Variants in KAT6A observed in about 807,000 individuals in gnomAD.
KAT6A encodes the protein histone acetyltransferase KAT6A.
KAT6A carries 9 observed loss-of-function variants against 198.4 expected under a neutral mutation model. That is an observed-to-expected ratio of 0.05 (90% CI 0.03 to 0.08). The LOEUF (loss-of-function observed/expected upper bound fraction) is 0.08, where lower values mean the gene tolerates loss of function less well. Among genes scored for constraint, KAT6A ranks in the 10% least tolerant of loss-of-function variants. KAT6A has a pLI of 1.00. For synonymous variants in KAT6A, 890 were observed against 883.0 expected, an observed-to-expected ratio of 1.01 and a Z score of -0.14; for missense variants, 2,077 against 2,509.9, an observed-to-expected ratio of 0.83 and a Z score of 3.69.
At chr8:41,997,975 G>A (rs1385273061) in intron 2 of KAT6A, among the ~76,000 whole-genome samples, 1 of 152,062 alleles carries the variant, frequency 6.6e-6, no homozygotes, top group Non-Finnish European at 1.5e-5. Flanking sequence ...TTCAGGCATG[G>A]TATAGTGAAG....
chr8:42,041,621 G>A (rs1052379643), intron 2 of KAT6A, among the ~76,000 whole-genome samples: 4 of 151,782 alleles, frequency 2.6e-5, no homozygotes, highest in African/African-American at 4.8e-5. Context: ...GCCTGTAATC[G>A]CAGACAGCAG....
chr8:42,037,891 T>C (rs959946763), intron 2 of KAT6A, among the ~76,000 whole-genome samples: 8 of 152,258 alleles, frequency 5.3e-5, no homozygotes, highest in Admixed American at 1.3e-4. Context: ...GTGTTAGTCA[T>C]AAAGACCAAT....
At chr8:41,963,896 C>T (rs544290926) in intron 8 of KAT6A, among the ~76,000 whole-genome samples, 42 of 152,248 alleles carry the variant, frequency 2.8e-4, no homozygotes, top group African/African-American at 9.6e-4. Flanking sequence ...TCCGAGAATA[C>T]ACGATTTCTC....
At chr8:41,969,982 A>C (rs1048853508) in intron 8 of KAT6A, among the ~76,000 whole-genome samples, 2 of 152,128 alleles carry the variant, frequency 1.3e-5, no homozygotes, top group South Asian at 2.1e-4. Context: ...CCCTTCTCAT[A>C]AACACTCCAA....
intron 2 of KAT6A, among the ~76,000 whole-genome samples, chr8:42,036,875 C>A (rs1007514874): frequency 1.3e-5 from 2 of 152,196 alleles, no homozygotes; most frequent in Non-Finnish European, 2.9e-5. Context: ...ACAGAATGTA[C>A]ATTTCCAGAA....
intron 2 of KAT6A, among the ~76,000 whole-genome samples, chr8:42,004,478 C>A (rs1825643146): frequency 6.6e-6 from 1 of 152,176 alleles, no homozygotes; most frequent in African/African-American, 2.4e-5. Flanking sequence ...ACCACTGACA[C>A]ATTTTGCAGT....
At position 41,977,195 on chromosome 8, in the gene KAT6A, G is replaced by C; in HGVS notation, c.1176C>G (p.Phe392Leu). The C allele has an allele frequency of 6.2e-7, 1 of 1,614,180 alleles. No homozygotes were observed. The highest frequency in any genetic ancestry group is 8.5e-7 in the Non-Finnish European group (1 of 1,180,014). The change falls in exon 7 of 17, where the codon TTC becomes TTG. Residue 392 changes from phenylalanine (F) to leucine (L), a missense_variant. By Grantham distance (22) the Phe-to-Leu change is conservative (BLOSUM62 0). Coordinates refer to ENST00000265713, the MANE Select transcript of KAT6A (RefSeq NM_006766.5). Reference sequence around the variant, plus strand: ...TCAAGGAGACATTGCTATCTCTGCAGAAGTCCAAGCCATCTATCCGCTCTA... The same window carrying C: ...TCAAGGAGACATTGCTATCTCTGCACAAGTCCAAGCCATCTATCCGCTCTA... ...GYLERIDGLDFCRDSNVSLKF... is the reference protein window; with the variant it reads ...GYLERIDGLDLCRDSNVSLKF...
At chr8:41,990,708 C>A (rs1475957784) in intron 2 of KAT6A, among the ~76,000 whole-genome samples, 1 of 152,102 alleles carries the variant, frequency 6.6e-6, no homozygotes, top group African/African-American at 2.4e-5. Flanking sequence ...AAAAGTGGAA[C>A]AACAGCCAAG....
intron 2 of KAT6A, among the ~76,000 whole-genome samples, chr8:42,001,839 T>C (rs932180471): frequency 6.6e-6 from 1 of 152,156 alleles, no homozygotes; most frequent in African/African-American, 2.4e-5. Context: ...AAATGCTTGG[T>C]TACCTATAAA....
intron 16 of KAT6A, among the ~76,000 whole-genome samples, chr8:41,936,547 G>T (rs538972612): frequency 1.4e-4 from 21 of 152,310 alleles, no homozygotes; most frequent in African/African-American, 4.1e-4. Flanking sequence ...AGGCTAGGGT[G>T]AAAAAGACTT....
At chr8:42,026,127 GGTCT>G (rs1196583244) in intron 2 of KAT6A, among the ~76,000 whole-genome samples, 8 of 152,002 alleles carry the variant, frequency 5.3e-5, no homozygotes, top group Admixed American at 3.3e-4. Context: ...CTGTCCCAGT[GGTCT>G]GTCTGTTTTT....
rs1454626956 is a variant in KAT6A at position 41,948,011 on chromosome 8, A to G, written c.1741-99T>C. On this transcript the variant is annotated intron_variant, in intron 10 of 16. Transcript: ENST00000265713. Reference sequence around the variant, plus strand: ...GCATCTCTAGATATCCACAGTCCAGACTAGGAGAAGGTGTCCATGACCAGA... The same window carrying G: ...GCATCTCTAGATATCCACAGTCCAGGCTAGGAGAAGGTGTCCATGACCAGA... 5 of 983,378 alleles carry G rather than the reference A, an allele frequency of 5.1e-6. No individual in the cohort carries two copies. The African/African-American group carries it at 8.5e-5, about 17-fold the overall frequency. The allele number at this position is 983,378 out of a possible 1,614,324, so 60.9% of individuals were successfully genotyped here. A position where few individuals can be genotyped will look rare whatever the true frequency, so the allele number is the denominator to read the frequency against.
chr8:41,998,291 T>A (rs967943926), intron 2 of KAT6A, among the ~76,000 whole-genome samples: 1 of 152,170 alleles, frequency 6.6e-6, no homozygotes, highest in Non-Finnish European at 1.5e-5. Context: ...CAAAATTCGT[T>A]ATTTCCAATA....
chr8:41,950,278 A>G (rs1047012379), intron 9 of KAT6A, among the ~76,000 whole-genome samples: 1 of 152,228 alleles, frequency 6.6e-6, no homozygotes, highest in Non-Finnish European at 1.5e-5. Context: ...GCTACAAATC[A>G]CAGAATGAAA....
chr8:41,977,295 C>T lies in KAT6A; in HGVS notation c.1076G>A (p.Gly359Asp). ...TTTTCGTTTCCTACCCCTTCCAGGG[C>T]CAGTTCGAACTTTGCTGAAGGGACC... ...SKGPFSKVRT[G>D]PGRGRKRKIT... Residue 359 changes from glycine to aspartate, a missense_variant, in exon 7 of 17, where the codon GGC becomes GAC. Transcript: ENST00000265713. 3 of 1,613,998 alleles carry T rather than the reference C, an allele frequency of 1.9e-6. No individual in the cohort carries two copies. Among genetic ancestry groups the T allele is most frequent in the South Asian group, 2.2e-5 (2 of 91,082 alleles).
intron 2 of KAT6A, among the ~76,000 whole-genome samples, chr8:42,028,788 G>A (rs922234936): frequency 6.6e-6 from 1 of 152,092 alleles, no homozygotes; most frequent in Non-Finnish European, 1.5e-5. Flanking sequence ...GTGTATCCTT[G>A]TTCCTTTCTT....
chr8:42,021,277 T>C lies in KAT6A; in HGVS notation c.600+27101A>G, dbSNP rs189589408. Reference sequence around the variant, plus strand: ...AATTTCAAATGGTCTTAAAATGTGATGGCAATATTTTGTGAGTTAACAAAC... The same window carrying C: ...AATTTCAAATGGTCTTAAAATGTGACGGCAATATTTTGTGAGTTAACAAAC... On this transcript the variant is annotated intron_variant, in intron 2 of 16. Coordinates refer to ENST00000265713, the MANE Select transcript of KAT6A (RefSeq NM_006766.5). 2.6e-5 allele frequency among the ~76,000 whole-genome samples: 4 copies of C among 152,312 alleles called. No individual in the cohort carries two copies. The East Asian group carries it at 7.7e-4, about 29-fold the overall frequency.
intron 2 of KAT6A, among the ~76,000 whole-genome samples, chr8:42,009,783 C>T (rs1825923606): frequency 6.7e-6 from 1 of 149,736 alleles, no homozygotes; most frequent in Admixed American, 6.7e-5. Flanking sequence ...ACCTGTGGTC[C>T]CAGCTACATA....
rs1822241216 is a variant in KAT6A at position 41,943,477 on chromosome 8, AT to A, written c.2228+270del. Among the ~76,000 whole-genome samples the A allele has an allele frequency of 2.0e-5, 3 of 152,152 alleles. No individual in the cohort carries two copies. The South Asian group carries it at 6.2e-4, about 31-fold the overall frequency. The stretch of plus-strand genomic sequence containing the variant: ...TTCTTGTATTGTGAAAGAGCTCCCA[AT>A]ACTAGAAGATGAAAGATTCAGTAGC... On this transcript the variant is annotated intron_variant, in intron 13 of 16. Coordinates refer to ENST00000265713, the MANE Select transcript of KAT6A (RefSeq NM_006766.5).
Sources: allele counts gnomAD v4.1 joint callset (sites outside exome capture counted in the v4.1 genomes callset), GRCh38; gene constraint gnomAD v4.1.1; transcripts MANE v1.5; gene names NCBI Gene and HGNC (gene_info 2026-07-23, HGNC 2026-07-21).